TMEM123: variants seen among roughly 807,000 people sequenced by gnomAD.
TMEM123 encodes the protein transmembrane protein 123.
A neutral mutation model predicts 19.7 loss-of-function variants in TMEM123; 16 were observed. The observed-to-expected ratio is 0.81, with a 90% CI of 0.55 to 1.23. The LOEUF is 1.23. TMEM123 is among the 50% of genes most tolerant of loss of function. The pLI, the probability that TMEM123 is intolerant of heterozygous loss-of-function variation, is 0.00. For missense variants in TMEM123, 313 were observed against 257.8 expected, an observed-to-expected ratio of 1.21 and a Z score of -1.47; for synonymous variants, 118 against 99.4, an observed-to-expected ratio of 1.19 and a Z score of -1.12.
chr11:102,422,438 C>T (rs1952095483), intron 2 of TMEM123, among the ~76,000 whole-genome samples: 1 of 152,070 alleles, frequency 6.6e-6, no homozygotes, highest in African/African-American at 2.4e-5. Flanking sequence ...TGTGTCACTG[C>T]ACTCCAGCCT....
rs1268733756 is a variant in TMEM123 at position 102,396,449 on chromosome 11, A to AAATT, written c.*2414_*2417dup. On this transcript the variant is annotated 3_prime_UTR_variant, in exon 5 of 5. Coordinates refer to ENST00000398136, the MANE Select transcript of TMEM123 (RefSeq NM_052932.3). ...TTAACTTTTTTTTTGTGAAAATACA[A>AAATT]AATTATCACTATAATATACTGCCAA... 3 of 152,226 alleles carry AAATT rather than the reference A, an allele frequency of 2.0e-5. No homozygotes were observed. The highest frequency in any genetic ancestry group is 4.4e-5 in the Non-Finnish European group (3 of 68,038). The allele number at this position is 152,226 out of a possible 1,614,324, so 9.4% of individuals were successfully genotyped here.
chr11:102,411,496 G>T (rs1392078126), intron 2 of TMEM123, among the ~76,000 whole-genome samples: 1 of 152,198 alleles, frequency 6.6e-6, no homozygotes, highest in Non-Finnish European at 1.5e-5. Context: ...TTATGGGAAA[G>T]CCTGATTTAT....
At chr11:102,420,143 T>C (rs759207899) in intron 2 of TMEM123, among the ~76,000 whole-genome samples, 2 of 152,180 alleles carry the variant, frequency 1.3e-5, no homozygotes, top group Non-Finnish European at 2.9e-5. Flanking sequence ...CCCTTCCCCA[T>C]CCTCATCCAG....
chr11:102,409,209 A>C (rs1183499457), intron 2 of TMEM123, among the ~76,000 whole-genome samples: 1 of 152,182 alleles, frequency 6.6e-6, no homozygotes, highest in Non-Finnish European at 1.5e-5. Context: ...TATAGTTGTC[A>C]AAAGTACTAA....
intron 2 of TMEM123, among the ~76,000 whole-genome samples, chr11:102,414,145 G>C (rs1209909340): frequency 1.3e-5 from 2 of 151,710 alleles, no homozygotes; most frequent in Admixed American, 1.3e-4. Flanking sequence ...GTCAGACAAA[G>C]AAACAAAAAA....
At chr11:102,421,306 A>C (rs1952085261) in intron 2 of TMEM123, among the ~76,000 whole-genome samples, 1 of 152,240 alleles carries the variant, frequency 6.6e-6, no homozygotes, top group Non-Finnish European at 1.5e-5. Flanking sequence ...AGCGGGACTA[A>C]AATGTGTGAA....
At chr11:102,417,623 G>GT (rs770892714) in intron 2 of TMEM123, among the ~76,000 whole-genome samples, 4 of 151,084 alleles carry the variant, frequency 2.6e-5, no homozygotes, top group East Asian at 1.9e-4. Context: ...TCAAACCACC[G>GT]TAAGTGGAAA....
chr11:102,406,139 T>G (rs913718328), intron 2 of TMEM123, among the ~76,000 whole-genome samples: 9 of 152,020 alleles, frequency 5.9e-5, no homozygotes, highest in African/African-American at 2.2e-4. Flanking sequence ...CCTGTGGGAC[T>G]TGCAAGGGGT....
Position 102,396,906 on chromosome 11 carries a change from C to T in TMEM123, c.*1961G>A, listed in dbSNP as rs989947752. 1.3e-5 allele frequency: 2 copies of T among 152,286 alleles called. No homozygotes were observed. The highest frequency in any genetic ancestry group is 1.9e-4 in the East Asian group (1 of 5,190). The allele number at this position is 152,286 out of a possible 1,614,324, so 9.4% of individuals were successfully genotyped here. ...AAGTATTCAAAAAGAAACTTCAGGT[C>T]GGTCTACGAAGTTCTGACTGACTTG... On this transcript the variant is annotated 3_prime_UTR_variant, in exon 5 of 5. Transcript: ENST00000398136.
chr11:102,440,515 C>G (rs2135862954), intron 2 of TMEM123, among the ~76,000 whole-genome samples: 1 of 152,266 alleles, frequency 6.6e-6, no homozygotes, highest in African/African-American at 2.4e-5. Context: ...GATTTTGTCA[C>G]CACCAGGCCT....
intron 2 of TMEM123, among the ~76,000 whole-genome samples, chr11:102,414,137 C>G (rs895566867): frequency 1.3e-5 from 2 of 151,962 alleles, no homozygotes; most frequent in African/African-American, 4.8e-5. Flanking sequence ...TCAACTCAGT[C>G]AGACAAAGAA....
At chr11:102,406,575 A>T (rs573740735) in intron 2 of TMEM123, among the ~76,000 whole-genome samples, 15 of 152,224 alleles carry the variant, frequency 9.9e-5, no homozygotes, top group African/African-American at 2.9e-4. Context: ...AGATTGCCTT[A>T]AAAAAGATAG....
At chr11:102,439,555 T>C (rs1369006895) in intron 2 of TMEM123, among the ~76,000 whole-genome samples, 1 of 152,094 alleles carries the variant, frequency 6.6e-6, no homozygotes, top group Non-Finnish European at 1.5e-5. Context: ...GTCACCATCA[T>C]CAAAGACCAA....
intron 4 of TMEM123, among the ~76,000 whole-genome samples, chr11:102,400,756 G>A (rs1324755127): frequency 6.6e-6 from 1 of 152,166 alleles, no homozygotes; most frequent in Admixed American, 6.5e-5. Context: ...TGTGAAGAAG[G>A]CCCTTACTAG....
chr11:102,436,711 CAA>C, intron 2 of TMEM123, among the ~76,000 whole-genome samples: 1 of 147,378 alleles, frequency 6.8e-6, no homozygotes, highest in African/African-American at 2.4e-5. Context: ...TTGTGTTACT[CAA>C]CATGATGGGG....
intron 2 of TMEM123, among the ~76,000 whole-genome samples, chr11:102,417,122 G>A (rs1952049173): frequency 6.6e-6 from 1 of 152,042 alleles, no homozygotes; most frequent in African/African-American, 2.4e-5. Flanking sequence ...ATTCAAGACA[G>A]TACTGGAAGT....
intron 2 of TMEM123, among the ~76,000 whole-genome samples, chr11:102,445,034 G>C (rs748036059): frequency 6.6e-6 from 1 of 151,966 alleles, no homozygotes; most frequent in Non-Finnish European, 1.5e-5. Context: ...TGGGGGGAAG[G>C]GGGGAGGGAT....
chr11:102,400,908 A>C (rs1951907235), intron 4 of TMEM123, among the ~76,000 whole-genome samples: 1 of 152,228 alleles, frequency 6.6e-6, no homozygotes, highest in Non-Finnish European at 1.5e-5. Context: ...GACTCAAAAA[A>C]ACAAAAACAA....
rs1031868783 is a variant in TMEM123, at chr11:102,450,207, A to G, written c.101-1339T>C. Reference sequence around the variant, plus strand: ...AACAGCCTGTTTTTGTTTCCCTGCTATTGTCGCTCTTAACGCGATGATTTC... The same window carrying G: ...AACAGCCTGTTTTTGTTTCCCTGCTGTTGTCGCTCTTAACGCGATGATTTC... On this transcript the variant is annotated intron_variant, in intron 1 of 4. Transcript: ENST00000398136. Among the ~76,000 whole-genome samples the G allele has an allele frequency of 5.9e-5, 9 of 152,092 alleles. No homozygotes were observed. In the South Asian group the frequency reaches 6.2e-4, roughly 11 times the overall value.
Sources: gnomAD v4.1 joint callset for allele counts (sites outside exome capture counted in the v4.1 genomes callset) on GRCh38, gnomAD v4.1.1 for gene constraint, MANE v1.5 for transcripts, NCBI Gene and HGNC (gene_info 2026-07-23, HGNC 2026-07-21) for gene names.